The following EPHA3 variants were observed in gnomAD, a reference collection of about 807,000 sequenced individuals.
EPHA3 encodes ephrin type-A receptor 3.
EPHA3 carries 42 observed loss-of-function variants against 107.1 expected under a neutral mutation model. That is an observed-to-expected ratio of 0.39 (90% CI 0.31 to 0.51). The LOEUF (loss-of-function observed/expected upper bound fraction) is 0.51, where lower values mean the gene tolerates loss of function less well. Among genes scored for constraint, EPHA3 ranks in the 20% least tolerant of loss-of-function variants. The probability of loss-of-function intolerance (pLI) is 0.78; values close to 1 mark genes in which losing one functional copy is unlikely to be tolerated. For synonymous variants in EPHA3, 461 were observed against 424.8 expected, an observed-to-expected ratio of 1.09 and a Z score of -1.05; for missense variants, 1,183 against 1,211.2, an observed-to-expected ratio of 0.98 and a Z score of 0.35.
intron 14 of EPHA3, among the ~76,000 whole-genome samples, chr3:89,449,900 C>T (rs1206967291): frequency 6.6e-6 from 1 of 152,096 alleles, no homozygotes; most frequent in African/African-American, 2.4e-5. Context: ...CAAATTTGCT[C>T]TATCATTTAA....
At chr3:89,388,999 C>A (rs1708674781) in intron 5 of EPHA3, among the ~76,000 whole-genome samples, 1 of 152,138 alleles carries the variant, frequency 6.6e-6, no homozygotes, top group Non-Finnish European at 1.5e-5. Context: ...AGGGTTTGAA[C>A]TAATCCACGG....
intron 2 of EPHA3, among the ~76,000 whole-genome samples, chr3:89,154,991 T>C (rs898543575): frequency 3.0e-4 from 45 of 150,838 alleles, no homozygotes; most frequent in Non-Finnish European, 5.9e-4. Flanking sequence ...CTTTTTAAAA[T>C]TTTTTCAAAG....
chr3:89,209,765 T>C, intron 2 of EPHA3, 95 bp from the exon 3 acceptor site: 1 of 1,029,454 alleles, frequency 9.7e-7, no homozygotes, highest in South Asian at 2.1e-5. Context: ...GAGTAAATGA[T>C]GATTTATTAT....
intron 15 of EPHA3, among the ~76,000 whole-genome samples, chr3:89,452,839 C>T (rs1710021642): frequency 6.6e-6 from 1 of 152,020 alleles, no homozygotes; most frequent in South Asian, 2.1e-4. Flanking sequence ...TCAGTTTATC[C>T]ATTTTGTGTT....
At chr3:89,261,269 G>A (rs995720198) in intron 3 of EPHA3, among the ~76,000 whole-genome samples, 3 of 152,064 alleles carry the variant, frequency 2.0e-5, no homozygotes, top group South Asian at 4.2e-4. Context: ...AAAGTCACTC[G>A]TGCCTCAGAC....
intron 3 of EPHA3, among the ~76,000 whole-genome samples, chr3:89,315,861 A>C (rs1351037906): frequency 6.6e-6 from 1 of 151,862 alleles, no homozygotes; most frequent in Non-Finnish European, 1.5e-5. Flanking sequence ...TTGAGAATGG[A>C]AAGTTAGGAC....
At chr3:89,184,904 G>A (rs563553554) in intron 2 of EPHA3, among the ~76,000 whole-genome samples, 24 of 152,130 alleles carry the variant, frequency 1.6e-4, no homozygotes, top group Non-Finnish European at 3.1e-4. Context: ...CAAATCTTGT[G>A]TCCATTACCA....
intron 1 of EPHA3, among the ~76,000 whole-genome samples, chr3:89,124,316 T>C (rs1704042224): frequency 6.6e-6 from 1 of 152,166 alleles, no homozygotes; most frequent in Non-Finnish European, 1.5e-5. Flanking sequence ...CAGATTTACT[T>C]TGAAATTCCA....
Position 89,156,654 on chromosome 3 carries a change from A to G in EPHA3, c.153+29381A>G, listed in dbSNP as rs1297370199. On this transcript the variant is annotated intron_variant, in intron 2 of 16. Transcript: ENST00000336596. The stretch of plus-strand genomic sequence containing the variant: ...TTTTCTTTACTTTGTGAAAATGTTT[A>G]CTTCTTAGGTAAAAAGAAGAATGAT... Among the ~76,000 whole-genome samples the G allele has an allele frequency of 2.0e-5, 3 of 152,134 alleles. No individual in the cohort carries two copies. In the East Asian group the frequency reaches 5.8e-4, roughly 29 times the overall value.
rs780172142 is a variant in EPHA3 at position 89,395,936 on chromosome 3, A to G, written c.1406A>G (p.Asp469Gly). 1.2e-6 allele frequency: 2 copies of G among 1,614,028 alleles called. No individual in the cohort carries two copies. Among genetic ancestry groups the G allele is most frequent in the Admixed American group, 1.7e-5 (1 of 60,012 alleles). Residue 469 changes from aspartate (D) to glycine (G), a missense_variant, in exon 6 of 17, where the codon GAC (aspartate) becomes GGC (glycine). Asp to Gly is a moderately conservative substitution (Grantham distance 94). Coordinates refer to ENST00000336596, the MANE Select transcript of EPHA3 (RefSeq NM_005233.6). Reference protein sequence around the residue: ...EPEHPNGIILDYEVKYYEKQE... With the variant: ...EPEHPNGIILGYEVKYYEKQE... ...GAACATCCTAATGGGATCATATTGG[A>G]CTACGAGGTCAAATACTATGAAAAG... is the stretch of plus-strand genomic sequence containing the variant.
intron 15 of EPHA3, among the ~76,000 whole-genome samples, chr3:89,453,499 A>G (rs1262110537): frequency 6.6e-6 from 1 of 152,156 alleles, no homozygotes; most frequent in African/African-American, 2.4e-5. Flanking sequence ...AATTTTAGAA[A>G]AAAATCAATA....
intron 3 of EPHA3, among the ~76,000 whole-genome samples, chr3:89,222,850 T>A (rs976194965): frequency 2.6e-5 from 4 of 152,196 alleles, no homozygotes; most frequent in Non-Finnish European, 5.9e-5. Context: ...TACACTTCAT[T>A]AAGTAAATGA....
intron 2 of EPHA3, among the ~76,000 whole-genome samples, chr3:89,204,499 CACACACA>C (rs1706052191): frequency 8.8e-6 from 1 of 113,676 alleles, no homozygotes; most frequent in African/African-American, 2.7e-5. Context: ...CACACACACA[CACACACA>C]CCCCAAACAA....
chr3:89,253,011 C>T (rs1459444885), intron 3 of EPHA3, among the ~76,000 whole-genome samples: 1 of 151,760 alleles, frequency 6.6e-6, no homozygotes, highest in Non-Finnish European at 1.5e-5. Flanking sequence ...AGTCATTCTC[C>T]ATTGCCAGAG....
intron 3 of EPHA3, among the ~76,000 whole-genome samples, chr3:89,277,429 A>G (rs1342693940): frequency 6.6e-6 from 1 of 152,142 alleles, no homozygotes; most frequent in African/African-American, 2.4e-5. Flanking sequence ...ACTAGATTTG[A>G]TATTTGAAAT....
chr3:89,453,181 A>C (rs371405472), intron 15 of EPHA3, among the ~76,000 whole-genome samples: 3 of 152,068 alleles, frequency 2.0e-5, no homozygotes, highest in South Asian at 4.1e-4. Flanking sequence ...GAAGGCATTT[A>C]TTTTGATCTT....
Position 89,408,145 on chromosome 3 carries a change from C to T in EPHA3, c.1762+14C>T, listed in dbSNP as rs768489898. 1.2e-6 allele frequency: 2 copies of T among 1,611,878 alleles called. No individual in the cohort carries two copies. Among genetic ancestry groups the T allele is most frequent in the South Asian group, 1.1e-5 (1 of 90,970 alleles). On this transcript the variant is annotated intron_variant, in intron 9 of 16. Transcript: ENST00000336596. The stretch of plus-strand genomic sequence containing the variant: ...GCAATGGGCATTGTAAGTTTCTAAA[C>T]TTGGCTTTTTGTTTTGCTTCACCGT...
At chr3:89,445,680 C>T (rs1709865306) in intron 13 of EPHA3, among the ~76,000 whole-genome samples, 1 of 152,164 alleles carries the variant, frequency 6.6e-6, no homozygotes, top group Non-Finnish European at 1.5e-5. Context: ...AGGGCAGCAA[C>T]TGAACCCTTG....
At chr3:89,334,078 A>G (rs1209698810) in intron 3 of EPHA3, among the ~76,000 whole-genome samples, 1 of 152,176 alleles carries the variant, frequency 6.6e-6, no homozygotes, top group African/African-American at 2.4e-5. Context: ...AAATTCACAA[A>G]CTTCCAAACA....
Sources: gnomAD v4.1 joint callset for allele counts (sites outside exome capture counted in the v4.1 genomes callset) on GRCh38, gnomAD v4.1.1 for gene constraint, MANE v1.5 for transcripts, NCBI Gene and HGNC (gene_info 2026-07-23, HGNC 2026-07-21) for gene names.